MACROD2: variants seen among roughly 807,000 people sequenced by gnomAD.
MACROD2 encodes mono-ADP ribosylhydrolase 2.
A neutral mutation model predicts 70.4 loss-of-function variants in MACROD2; 36 were observed. The observed-to-expected ratio is 0.51, with a 90% CI of 0.39 to 0.68. MACROD2 has a LOEUF of 0.68. MACROD2 is among the 30% of genes least tolerant of loss of function. MACROD2 has a pLI of 0.00. For synonymous variants in MACROD2, 172 were observed against 178.8 expected, an observed-to-expected ratio of 0.96 and a Z score of 0.30; for missense variants, 496 against 538.4, an observed-to-expected ratio of 0.92 and a Z score of 0.78.
intron 10 of MACROD2, among the ~76,000 whole-genome samples, chr20:15,902,884 G>A (rs1487031895): frequency 3.3e-5 from 5 of 152,036 alleles, no homozygotes; most frequent in Non-Finnish European, 7.4e-5. Flanking sequence ...AAGCAGGGGA[G>A]GAGCTAGGAA....
chr20:15,491,328 C>G (rs1227204277), intron 7 of MACROD2, among the ~76,000 whole-genome samples: 43 of 152,168 alleles, frequency 2.8e-4, no homozygotes, highest in Admixed American at 2.8e-3. Flanking sequence ...CTAGAGGTTA[C>G]AAGTAGAATA....
chr20:14,908,794 C>T (rs555823115), intron 5 of MACROD2, among the ~76,000 whole-genome samples: 5 of 152,250 alleles, frequency 3.3e-5, no homozygotes, highest in Non-Finnish European at 5.9e-5. Context: ...TGAAGGTCTA[C>T]GATAAGGTGG....
At chr20:15,515,293 A>G (rs1333982347) in intron 8 of MACROD2, among the ~76,000 whole-genome samples, 1 of 152,212 alleles carries the variant, frequency 6.6e-6, no homozygotes, top group Non-Finnish European at 1.5e-5. Flanking sequence ...AACATGATCA[A>G]ATGATTAACA....
At chr20:15,898,887 A>G (rs1175477453) in intron 10 of MACROD2, among the ~76,000 whole-genome samples, 1 of 151,902 alleles carries the variant, frequency 6.6e-6, no homozygotes, top group African/African-American at 2.4e-5. Context: ...TAGATAGCAC[A>G]TACCTACTAT....
intron 5 of MACROD2, among the ~76,000 whole-genome samples, chr20:15,113,425 T>C (rs1188952737): frequency 1.3e-5 from 2 of 152,134 alleles, no homozygotes; most frequent in African/African-American, 4.8e-5. Context: ...AAAGTCATAT[T>C]GAATAAAGGG....
intron 5 of MACROD2, among the ~76,000 whole-genome samples, chr20:15,056,214 A>G: frequency 6.6e-6 from 1 of 152,166 alleles, no homozygotes. Context: ...TCTCTCATGA[A>G]ATTAGAGGAG....
At chr20:14,960,913 G>A (rs79663168) in intron 5 of MACROD2, among the ~76,000 whole-genome samples, 4,520 of 152,164 alleles carry the variant, frequency 0.03, 224 homozygotes, top group African/African-American at 0.1. Flanking sequence ...ATATATCTCC[G>A]CTCACATTTC....
At chr20:15,610,856 G>T (rs2048957064) in intron 8 of MACROD2, among the ~76,000 whole-genome samples, 1 of 152,112 alleles carries the variant, frequency 6.6e-6, no homozygotes, top group African/African-American at 2.4e-5. Flanking sequence ...TGCGTTTCTG[G>T]CCTGGCTGTG....
At chr20:15,084,789 G>A (rs1409151761) in intron 5 of MACROD2, among the ~76,000 whole-genome samples, 2 of 152,254 alleles carry the variant, frequency 1.3e-5, no homozygotes, top group African/African-American at 4.8e-5. Context: ...CTTGAACAAA[G>A]GTGTTTGCCA....
At chr20:15,164,026 G>A (rs889311520) in intron 5 of MACROD2, among the ~76,000 whole-genome samples, 6 of 151,986 alleles carry the variant, frequency 3.9e-5, no homozygotes, top group Non-Finnish European at 8.8e-5. Context: ...AATACATAGT[G>A]TGTCTGATGG....
chr20:15,393,936 C>T (rs2045826987), intron 6 of MACROD2, among the ~76,000 whole-genome samples: 1 of 152,176 alleles, frequency 6.6e-6, no homozygotes, highest in Non-Finnish European at 1.5e-5. Context: ...TTGCCTCTGA[C>T]CTTCCCTTCA....
intron 8 of MACROD2, among the ~76,000 whole-genome samples, chr20:15,572,703 A>G (rs1454513010): frequency 6.6e-6 from 1 of 152,066 alleles, no homozygotes; most frequent in African/African-American, 2.4e-5. Flanking sequence ...ATGCATGAGA[A>G]CCCACACTTA....
intron 5 of MACROD2, among the ~76,000 whole-genome samples, chr20:15,182,050 T>C (rs1214923093): frequency 1.3e-5 from 2 of 151,844 alleles, no homozygotes; most frequent in South Asian, 2.1e-4. Context: ...TCTGTTCTGC[T>C]GTAGAATTGA....
intron 13 of MACROD2, among the ~76,000 whole-genome samples, chr20:15,973,082 G>T (rs2066254882): frequency 6.6e-6 from 1 of 152,238 alleles, no homozygotes; most frequent in Non-Finnish European, 1.5e-5. Flanking sequence ...TTGGTGATTG[G>T]AGAGGAGATA....
chr20:14,550,970 A>C (rs1978614313), intron 4 of MACROD2, among the ~76,000 whole-genome samples: 1 of 151,838 alleles, frequency 6.6e-6, no homozygotes, highest in Admixed American at 6.6e-5. Flanking sequence ...TTATTTTTTG[A>C]ACTGCTTATA....
At chr20:15,166,663 AC>A (rs2076386443) in intron 5 of MACROD2, among the ~76,000 whole-genome samples, 1 of 152,092 alleles carries the variant, frequency 6.6e-6, no homozygotes, top group Non-Finnish European at 1.5e-5. Flanking sequence ...AGAATTTCAA[AC>A]AAATTACAGA....
intron 13 of MACROD2, among the ~76,000 whole-genome samples, chr20:15,984,728 T>G (rs2066453559): frequency 1.3e-5 from 2 of 152,180 alleles, no homozygotes; most frequent in South Asian, 2.1e-4. Context: ...ATAATACATG[T>G]TACACTGTTA....
At chr20:15,138,852 C>A (rs1192360867) in intron 5 of MACROD2, among the ~76,000 whole-genome samples, 2 of 152,168 alleles carry the variant, frequency 1.3e-5, no homozygotes, top group African/African-American at 4.8e-5. Context: ...CACACTTGAA[C>A]TTCAATTACC....
intron 5 of MACROD2, among the ~76,000 whole-genome samples, chr20:15,153,583 C>A (rs1404375249): frequency 6.6e-6 from 1 of 152,022 alleles, no homozygotes; most frequent in Non-Finnish European, 1.5e-5. Context: ...TGTCATAGAA[C>A]AATAAGATGA....
Sources: gnomAD v4.1 joint callset for allele counts (sites outside exome capture counted in the v4.1 genomes callset) on GRCh38, gnomAD v4.1.1 for gene constraint, MANE v1.5 for transcripts, NCBI Gene and HGNC (gene_info 2026-07-23, HGNC 2026-07-21) for gene names.